SCLT1: variants seen among roughly 807,000 people sequenced by gnomAD.
SCLT1 encodes the protein sodium channel-associated protein 1.
SCLT1 carries 78 observed loss-of-function variants against 112.8 expected under a neutral mutation model. The observed-to-expected ratio is 0.69, with a 90% CI of 0.58 to 0.83. SCLT1 has a LOEUF of 0.83. SCLT1 is among the 40% of genes least tolerant of loss of function. The pLI is 0.00. For missense variants in SCLT1, 747 were observed against 770.4 expected (o/e 0.97, Z 0.36); for synonymous variants, 257 against 254.7 (o/e 1.01, Z -0.09).
At chr4:128,894,071 C>G (rs898000444) in intron 18 of SCLT1, among the ~76,000 whole-genome samples, 1 of 152,066 alleles carries the variant, frequency 6.6e-6, no homozygotes, top group African/African-American at 2.4e-5. Context: ...TCCTGAGTAG[C>G]TGAGCCTTCA....
At chr4:129,067,556 G>A (rs1475268744) in intron 2 of SCLT1, among the ~76,000 whole-genome samples, 1 of 152,058 alleles carries the variant, frequency 6.6e-6, no homozygotes, top group Non-Finnish European at 1.5e-5. Flanking sequence ...TGTCACTCAC[G>A]CTGGAGTGCC....
intron 6 of SCLT1, 41 bp downstream of exon 6, chr4:129,003,700 G>C (rs140029641): frequency 1.2e-5 from 18 of 1,462,942 alleles, no homozygotes; most frequent in Non-Finnish European, 1.7e-5. Flanking sequence ...AAAAAGGTAT[G>C]TTAATTCAGA....
intron 10 of SCLT1, among the ~76,000 whole-genome samples, chr4:128,968,439 T>C (rs1249746416): frequency 6.6e-6 from 1 of 152,300 alleles, no homozygotes; most frequent in African/African-American, 2.4e-5. Context: ...GTGTTCCAGT[T>C]CTCAATTAAA....
At chr4:128,917,878 T>C (rs1253578502) in intron 18 of SCLT1, among the ~76,000 whole-genome samples, 2 of 152,100 alleles carry the variant, frequency 1.3e-5, no homozygotes, top group African/African-American at 4.8e-5. Flanking sequence ...CTCTCCATCG[T>C]TGATCTGGCA....
rs962772280 is a variant in SCLT1, at chr4:128,956,105, G to A, written c.1146+921C>T. Among the ~76,000 whole-genome samples the A allele has an allele frequency of 5.1e-4, 78 of 152,040 alleles. 2 individuals are homozygous for A. The highest frequency in any genetic ancestry group is 4.1e-4 in the South Asian group (2 of 4,834). ...ATTTTAGGAAGCATCTGTATTTTCCGTTTGCAAAACATTTGGAATGAATGA... is the reference window on the plus strand; with the variant it reads ...ATTTTAGGAAGCATCTGTATTTTCCATTTGCAAAACATTTGGAATGAATGA... On this transcript the variant is annotated intron_variant, in intron 13 of 20. Coordinates refer to ENST00000281142, the MANE Select transcript of SCLT1 (RefSeq NM_144643.4).
At chr4:129,010,707 AT>A (rs1744442716) in intron 5 of SCLT1, among the ~76,000 whole-genome samples, 1 of 152,090 alleles carries the variant, frequency 6.6e-6, no homozygotes. Context: ...TGCGTTACTC[AT>A]TTGGCTCTTG....
chr4:128,874,702 G>A (rs1732445554), intron 4 of SCLT1: 1 of 152,478 alleles, frequency 6.6e-6, no homozygotes, highest in Non-Finnish European at 1.5e-5. Context: ...ACCCACTTGC[G>A]TTCTATTAGT....
At chr4:129,020,609 T>C (rs1048375029) in intron 5 of SCLT1, among the ~76,000 whole-genome samples, 2 of 152,190 alleles carry the variant, frequency 1.3e-5, no homozygotes, top group African/African-American at 4.8e-5. Context: ...GGTACCACCA[T>C]AGTGGAGACT....
intron 18 of SCLT1, among the ~76,000 whole-genome samples, chr4:128,918,287 C>T (rs1229809540): frequency 6.6e-6 from 1 of 152,004 alleles, no homozygotes; most frequent in Non-Finnish European, 1.5e-5. Flanking sequence ...CTAAGGAATA[C>T]AATAAAATGG....
chr4:128,950,377 G>A (rs928877701), intron 14 of SCLT1, among the ~76,000 whole-genome samples: 1 of 151,914 alleles, frequency 6.6e-6, no homozygotes, highest in Non-Finnish European at 1.5e-5. Flanking sequence ...GTTAACCTGG[G>A]GGTAAAAAAG....
At chr4:128,911,762 T>C (rs1735116125) in intron 18 of SCLT1, among the ~76,000 whole-genome samples, 1 of 152,228 alleles carries the variant, frequency 6.6e-6, no homozygotes, top group South Asian at 2.1e-4. Flanking sequence ...ATATCATGAC[T>C]ATACTTATAT....
intron 5 of SCLT1, among the ~76,000 whole-genome samples, chr4:129,031,155 A>G (rs1193349236): frequency 1.3e-5 from 2 of 152,178 alleles, no homozygotes; most frequent in Non-Finnish European, 2.9e-5. Context: ...AGGCTGGTTC[A>G]ACGTATGCAA....
chr4:128,941,122 C>A (rs1014558205), intron 17 of SCLT1, among the ~76,000 whole-genome samples: 8 of 151,974 alleles, frequency 5.3e-5, no homozygotes, highest in African/African-American at 1.9e-4. Flanking sequence ...GGAAAACCTG[C>A]CCCCATGATT....
rs116152118 is a variant in SCLT1, at chr4:129,000,960, C to A, written c.427-1166G>T. ...TTTGTCTAAAACTTAAAAAAAAAAA[C>A]AAAAACTGTAGGCTAATTAAAAATT... On this transcript the variant is annotated intron_variant, in intron 6 of 20. Transcript: ENST00000281142. Among the ~76,000 whole-genome samples the A allele has an allele frequency of 5.0e-3, 747 of 148,200 alleles. 5 individuals are homozygous for A. The highest frequency in any genetic ancestry group is 0.017 in the African/African-American group (659 of 39,936).
intron 9 of SCLT1, among the ~76,000 whole-genome samples, chr4:128,987,859 A>G (rs1742236726): frequency 6.6e-6 from 1 of 152,332 alleles, no homozygotes; most frequent in African/African-American, 2.4e-5. Flanking sequence ...AGCAGATTCA[A>G]GACAAATAAG....
At chr4:128,998,360 T>A (rs893522128) in intron 7 of SCLT1, among the ~76,000 whole-genome samples, 15 of 151,918 alleles carry the variant, frequency 9.9e-5, no homozygotes, top group Non-Finnish European at 1.2e-4. Flanking sequence ...CCACCTTTTT[T>A]AAAAACATTC....
At chr4:128,956,951 A>G (rs895012641) in intron 13 of SCLT1, 75 bp downstream of exon 13, 2 of 758,778 alleles carry the variant, frequency 2.6e-6, no homozygotes, top group African/African-American at 3.6e-5. Context: ...ATTTTAATTT[A>G]CAAATATTTA....
intron 5 of SCLT1, among the ~76,000 whole-genome samples, chr4:129,023,850 C>A (rs911995196): frequency 3.3e-5 from 5 of 152,206 alleles, no homozygotes; most frequent in African/African-American, 1.2e-4. Context: ...CTGCGCTTTT[C>A]CGACGGGCTT....
intron 2 of SCLT1, among the ~76,000 whole-genome samples, chr4:129,080,947 C>T (rs1199219282): frequency 3.9e-5 from 6 of 152,232 alleles, no homozygotes; most frequent in East Asian, 1.9e-4. Context: ...AAGCCATGGG[C>T]GGCCTCTGAG....
Sources: gnomAD v4.1 joint callset for allele counts (sites outside exome capture counted in the v4.1 genomes callset) on GRCh38, gnomAD v4.1.1 for gene constraint, MANE v1.5 for transcripts, NCBI Gene and HGNC (gene_info 2026-07-23, HGNC 2026-07-21) for gene names.